ERICH1: variants seen among roughly 807,000 people sequenced by gnomAD.
The protein encoded by ERICH1 is glutamate-rich protein 1.
A neutral mutation model predicts 39.6 loss-of-function variants in ERICH1; 56 were observed. The observed-to-expected ratio is 1.41, with a 90% CI of 1.14 to 1.77. The LOEUF (loss-of-function observed/expected upper bound fraction) is 1.77, where lower values mean the gene tolerates loss of function less well. Among genes scored for constraint, ERICH1 ranks in the 40% most tolerant of loss-of-function variants. ERICH1 has a pLI of 0.00. For missense variants in ERICH1, 826 were observed against 575.4 expected, an observed-to-expected ratio of 1.44 and a Z score of -4.45; for synonymous variants, 313 against 223.6, an observed-to-expected ratio of 1.40 and a Z score of -3.57.
chr8:616,882 G>T (rs533816905), intron 3 of ERICH1, among the ~76,000 whole-genome samples: 8 of 46,600 alleles, frequency 1.7e-4, no homozygotes, highest in African/African-American at 1.7e-3. Flanking sequence ...GGGAGAGGGA[G>T]ACAGAGACAC....
chr8:637,352 G>A (rs370475312), intron 3 of ERICH1, among the ~76,000 whole-genome samples: 1 of 152,208 alleles, frequency 6.6e-6, no homozygotes. Context: ...TGATTCTGCG[G>A]CTCCTGGGCT....
intron 3 of ERICH1, among the ~76,000 whole-genome samples, chr8:650,573 G>C (rs1356934336): frequency 1.3e-5 from 2 of 152,196 alleles, no homozygotes; most frequent in African/African-American, 4.8e-5. Context: ...GACACTGAAA[G>C]GGAAGCAGCC....
chr8:621,524 A>C (rs896666948), intron 3 of ERICH1, among the ~76,000 whole-genome samples: 1 of 151,634 alleles, frequency 6.6e-6, no homozygotes, highest in Non-Finnish European at 1.5e-5. Context: ...AAAATAATTA[A>C]ATAATTAAAA....
chr8:693,790 C>A (rs536128249), intron 2 of ERICH1, among the ~76,000 whole-genome samples: 40 of 152,244 alleles, frequency 2.6e-4, no homozygotes, highest in African/African-American at 9.1e-4. Flanking sequence ...TACCAGAGGT[C>A]ATCACCACCG....
chr8:614,901 T>G (rs953168466), exon 4 of ERICH1: 5 of 244,164 alleles, frequency 2.0e-5, no homozygotes, highest in Non-Finnish European at 3.9e-5. Context: ...GTTCCTCAGT[T>G]GCATGACACC....
chr8:689,177 T>G (rs1808351760), intron 3 of ERICH1, among the ~76,000 whole-genome samples: 1 of 152,200 alleles, frequency 6.6e-6, no homozygotes, highest in Non-Finnish European at 1.5e-5. Context: ...AGTGGTATGA[T>G]CTCGGCTCAC....
intron 3 of ERICH1, among the ~76,000 whole-genome samples, chr8:627,479 C>T (rs1443482300): frequency 6.6e-6 from 1 of 152,206 alleles, no homozygotes; most frequent in Non-Finnish European, 1.5e-5. Context: ...CCCAGCACAG[C>T]CTTCTAAGGT....
chr8:672,549 G>A (rs1803675046), intron 4 of ERICH1, among the ~76,000 whole-genome samples: 1 of 152,002 alleles, frequency 6.6e-6, no homozygotes, highest in Admixed American at 6.6e-5. Context: ...TGAACCTGCT[G>A]GTAACGTCAT....
chr8:706,712 G>C (rs1184988284), intron 2 of ERICH1, among the ~76,000 whole-genome samples: 1 of 152,168 alleles, frequency 6.6e-6, no homozygotes, highest in Non-Finnish European at 1.5e-5. Context: ...GGAGGTTGTG[G>C]TGAGCCAAGA....
At chr8:624,625 G>C (rs1416137703) in intron 3 of ERICH1, among the ~76,000 whole-genome samples, 1 of 152,214 alleles carries the variant, frequency 6.6e-6, no homozygotes, top group Non-Finnish European at 1.5e-5. Flanking sequence ...AATCCTGGCA[G>C]AAGGTAAAGG....
At chr8:710,984 T>A (rs1427620567) in intron 2 of ERICH1, among the ~76,000 whole-genome samples, 2 of 152,248 alleles carry the variant, frequency 1.3e-5, no homozygotes. Flanking sequence ...TGCATTCCCA[T>A]CTGCAGTGAT....
chr8:689,232 G>A (rs573239048), intron 3 of ERICH1, among the ~76,000 whole-genome samples: 19 of 152,242 alleles, frequency 1.2e-4, no homozygotes, highest in East Asian at 5.8e-4. Context: ...AGGCCTCAGC[G>A]TCTCGAGTAG....
At chr8:662,980 C>T (rs1801654775), downstream of ERICH1, among the ~76,000 whole-genome samples, 1 of 152,216 alleles carries the variant, frequency 6.6e-6, no homozygotes, top group African/African-American at 2.4e-5. Context: ...CTCCTGGGAA[C>T]ACCCTGTCTG....
At chr8:632,453 A>C (rs1009857446) in intron 3 of ERICH1, among the ~76,000 whole-genome samples, 1 of 152,250 alleles carries the variant, frequency 6.6e-6, no homozygotes, top group African/African-American at 2.4e-5. Context: ...GTTTTAAAAA[A>C]ATGTATGCAG....
At chr8:624,082 G>A (rs1255923112) in intron 3 of ERICH1, among the ~76,000 whole-genome samples, 1 of 152,108 alleles carries the variant, frequency 6.6e-6, no homozygotes, top group South Asian at 2.1e-4. Flanking sequence ...GATTAGTGAA[G>A]GATTTGAATA....
At chr8:656,760 G>A in intron 3 of ERICH1, 1 of 985,470 alleles carries the variant, frequency 1.0e-6, no homozygotes, top group South Asian at 4.7e-5. Context: ...CTCAGCTAGT[G>A]TTGTGCCAAA....
At chr8:714,708 G>A (rs1166612258) in intron 2 of ERICH1, among the ~76,000 whole-genome samples, 3 of 57,398 alleles carry the variant, frequency 5.2e-5, no homozygotes, top group African/African-American at 1.4e-4. Flanking sequence ...GGCATCTCTC[G>A]GTGGGATGTG....
chr8:664,711 C>A (rs1376982089), intron 5 of ERICH1, 35 bp from the exon 6 acceptor site: 1 of 1,541,240 alleles, frequency 6.5e-7, no homozygotes, highest in East Asian at 2.2e-5. Context: ...AAAAATAAAA[C>A]AAAGACAAAA....
chr8:680,535 C>G (rs182441347), intron 3 of ERICH1, among the ~76,000 whole-genome samples: 293 of 147,130 alleles, frequency 2.0e-3, no homozygotes, highest in African/African-American at 6.3e-3. Context: ...CCGGTAAACA[C>G]GGAAAGTCCA....
Sources: gnomAD v4.1 joint callset for allele counts (sites outside exome capture counted in the v4.1 genomes callset) on GRCh38, gnomAD v4.1.1 for gene constraint, MANE v1.5 for transcripts, NCBI Gene and HGNC (gene_info 2026-07-23, HGNC 2026-07-21) for gene names.